The following ESRRG variants were observed in gnomAD, a reference collection of about 807,000 sequenced individuals.
ESRRG encodes the protein estrogen related receptor gamma.
In ESRRG, 13 loss-of-function variants were observed where a neutral mutation model predicts 44.0. That is an observed-to-expected ratio of 0.30 (90% CI 0.19 to 0.47). The LOEUF (loss-of-function observed/expected upper bound fraction) is 0.47, where lower values mean the gene tolerates loss of function less well. ESRRG is among the 20% of genes least tolerant of loss of function. The pLI is 1.00. For missense variants in ESRRG, 395 were observed against 580.6 expected (o/e 0.68, Z 3.29); for synonymous variants, 215 against 214.6 (o/e 1.00, Z -0.02).
chr1:217,089,788 G>A (rs985533270), upstream of ESRRG: 6 of 152,196 alleles, frequency 3.9e-5, no homozygotes, highest in East Asian at 1.2e-3. Flanking sequence ...TGCACTCACC[G>A]AGCCGGGCTG....
intron 2 of ESRRG, among the ~76,000 whole-genome samples, chr1:216,884,040 G>A (rs767975722): frequency 6.6e-6 from 1 of 152,100 alleles, no homozygotes; most frequent in Non-Finnish European, 1.5e-5. Flanking sequence ...TTATAAATCA[G>A]CATTACCAAA....
At chr1:217,019,135 A>T (rs995326158) in intron 1 of ESRRG, among the ~76,000 whole-genome samples, 6 of 152,220 alleles carry the variant, frequency 3.9e-5, no homozygotes, top group Non-Finnish European at 5.9e-5. Flanking sequence ...CTCTAACTGT[A>T]GTTCTCATGG....
At chr1:216,984,144 C>T (rs1156655673) in intron 1 of ESRRG, among the ~76,000 whole-genome samples, 1 of 152,114 alleles carries the variant, frequency 6.6e-6, no homozygotes, top group Non-Finnish European at 1.5e-5. Context: ...AAATCTTGTG[C>T]TTTGTTTCTT....
intron 3 of ESRRG, among the ~76,000 whole-genome samples, chr1:216,611,532 GAA>G (rs1455552136): frequency 2.6e-5 from 4 of 152,278 alleles, no homozygotes; most frequent in African/African-American, 9.6e-5. Flanking sequence ...AGCCTTCAAA[GAA>G]AGTCTCCTGG....
At chr1:217,028,298 G>T (rs1367864138) in intron 1 of ESRRG, among the ~76,000 whole-genome samples, 1 of 152,182 alleles carries the variant, frequency 6.6e-6, no homozygotes, top group Non-Finnish European at 1.5e-5. Context: ...AGTAGGTGTT[G>T]CCAGAAGATG....
At chr1:216,760,116 G>C (rs539379825) in intron 2 of ESRRG, among the ~76,000 whole-genome samples, 4 of 152,012 alleles carry the variant, frequency 2.6e-5, no homozygotes, top group African/African-American at 9.7e-5. Context: ...GATAGGGACT[G>C]GTCTGTCTTG....
chr1:216,920,579 G>A (rs2061716223), intron 2 of ESRRG, among the ~76,000 whole-genome samples: 1 of 152,160 alleles, frequency 6.6e-6, no homozygotes, highest in South Asian at 2.1e-4. Context: ...TGTTACTGAT[G>A]TACAAAGAAA....
At chr1:216,661,665 A>G (rs905313539) in intron 2 of ESRRG, among the ~76,000 whole-genome samples, 1 of 152,146 alleles carries the variant, frequency 6.6e-6, no homozygotes, top group Non-Finnish European at 1.5e-5. Flanking sequence ...TCTACCTTAA[A>G]CAAGTATAAC....
chr1:216,837,805 G>T (rs369782514), intron 2 of ESRRG, among the ~76,000 whole-genome samples: 4 of 152,208 alleles, frequency 2.6e-5, no homozygotes, highest in East Asian at 1.9e-4. Flanking sequence ...GGGTTGAAGA[G>T]AATTTTTTCA....
chr1:216,865,996 A>T (rs1462286414), intron 2 of ESRRG, among the ~76,000 whole-genome samples: 1 of 152,218 alleles, frequency 6.6e-6, no homozygotes, highest in South Asian at 2.1e-4. Flanking sequence ...CAGAGTCTTC[A>T]GTTTATCTTT....
chr1:217,108,484 C>T (rs2092624566), intron 1 of ESRRG, among the ~76,000 whole-genome samples: 1 of 152,066 alleles, frequency 6.6e-6, no homozygotes, highest in Non-Finnish European at 1.5e-5. Flanking sequence ...ACCCAAATGT[C>T]ATGTTGAATC....
chr1:216,774,384 C>T (rs572982162), intron 2 of ESRRG, among the ~76,000 whole-genome samples: 1 of 152,216 alleles, frequency 6.6e-6, no homozygotes, highest in African/African-American at 2.4e-5. Flanking sequence ...ACATGACGTT[C>T]CATTACGCAG....
chr1:216,910,926 C>G (rs1372513056), intron 2 of ESRRG, among the ~76,000 whole-genome samples: 3 of 152,172 alleles, frequency 2.0e-5, no homozygotes, highest in Non-Finnish European at 4.4e-5. Context: ...ACAGGTAACT[C>G]TACACTTCAA....
At chr1:217,052,287 A>G (rs575992284) in intron 1 of ESRRG, among the ~76,000 whole-genome samples, 40 of 152,314 alleles carry the variant, frequency 2.6e-4, no homozygotes, top group African/African-American at 9.6e-4. Context: ...CCAGAGAATG[A>G]ACTGAGATGA....
intron 1 of ESRRG, among the ~76,000 whole-genome samples, chr1:217,103,227 C>A (rs143122113): frequency 2.0e-5 from 3 of 152,162 alleles, no homozygotes; most frequent in African/African-American, 7.2e-5. Context: ...AAGCCTCCTC[C>A]GTCAGTCAAC....
chr1:216,659,462 A>G (rs2071674086), intron 2 of ESRRG, among the ~76,000 whole-genome samples: 1 of 152,186 alleles, frequency 6.6e-6, no homozygotes, highest in African/African-American at 2.4e-5. Context: ...ACCTTGGAGC[A>G]CACACAGTGC....
At chr1:217,128,970 T>C (rs1285259653) in intron 1 of ESRRG, among the ~76,000 whole-genome samples, 1 of 152,020 alleles carries the variant, frequency 6.6e-6, no homozygotes, top group Non-Finnish European at 1.5e-5. Flanking sequence ...GACCCCAGTC[T>C]CAAAAACATA....
intron 5 of ESRRG, among the ~76,000 whole-genome samples, chr1:216,541,561 AGTGTGTGTGTGTGTGT>A (rs34245595): frequency 0.024 from 3,135 of 130,400 alleles, 101 homozygotes; most frequent in African/African-American, 0.08. Flanking sequence ...TCTTTTGGTT[AGTGTGTGTGTGTGTGT>A]GTGTGTGTGT....
intron 1 of ESRRG, among the ~76,000 whole-genome samples, chr1:217,063,182 T>C (rs1402465331): frequency 6.6e-6 from 1 of 152,124 alleles, no homozygotes; most frequent in Non-Finnish European, 1.5e-5. Flanking sequence ...ATGCTTTACA[T>C]AGTTATTTTT....
Sources: allele counts gnomAD v4.1 joint callset (sites outside exome capture counted in the v4.1 genomes callset), GRCh38; gene constraint gnomAD v4.1.1; transcripts MANE v1.5; gene names NCBI Gene and HGNC (gene_info 2026-07-23, HGNC 2026-07-21).